Variants in KRI1 observed in about 807,000 individuals in gnomAD.
KRI1 encodes KRI1 homolog.
KRI1 carries 83 observed loss-of-function variants against 97.0 expected under a neutral mutation model. That is an observed-to-expected ratio of 0.86 (90% CI 0.72 to 1.03). The LOEUF (loss-of-function observed/expected upper bound fraction) is 1.03, where lower values mean the gene tolerates loss of function less well. Among genes scored for constraint, KRI1 ranks in the 50% least tolerant of loss-of-function variants. The pLI is 0.00. For synonymous variants in KRI1, 371 were observed against 363.5 expected, an observed-to-expected ratio of 1.02 and a Z score of -0.23; for missense variants, 916 against 928.4, an observed-to-expected ratio of 0.99 and a Z score of 0.17.
chr19:10,560,022 G>T, intron 9 of KRI1, 86 bp from the exon 10 acceptor site: 1 of 1,491,616 alleles, frequency 6.7e-7, no homozygotes, highest in South Asian at 1.2e-5. Context: ...CGAAGCGTAT[G>T]AACTCATTTA....
intron 15 of KRI1, 36 bp from the exon 16 acceptor site, chr19:10,557,718 A>C: frequency 1.2e-6 from 2 of 1,614,060 alleles, no homozygotes; most frequent in South Asian, 2.2e-5. Flanking sequence ...GGGCTATGCC[A>C]GGCCCCGCGG....
Position 10,559,692 on chromosome 19 carries a change from C to T in KRI1, c.944G>A (p.Arg315His). Residue 315 changes from arginine (R) to histidine (H), a missense_variant, in exon 11 of 19, where the codon CGC becomes CAC. Arg to His is a conservative substitution (Grantham distance 29, BLOSUM62 0). This residue lies in a region of KRI1 where 672 missense variants were observed against 667.2 expected (regional missense o/e 1.01). Transcript: ENST00000312962. ...ACGGCGCACGGAGGACGCGATGCTG[C>T]GTGGGTAGGTCTTGACCTAGGCGCA... is the stretch of plus-strand genomic sequence containing the variant. ...PDSASVKTYP[R>H]SIASSVRRKD... 2 of 1,614,026 alleles carry T rather than the reference C, an allele frequency of 1.2e-6. No homozygotes were observed. The highest frequency in any genetic ancestry group is 1.7e-6 in the Non-Finnish European group (2 of 1,180,002).
rs752697837 is a variant in KRI1, at chr19:10,558,247, G to A, written c.1195-8C>T. 5.6e-6 allele frequency: 9 copies of A among 1,613,918 alleles called. No individual in the cohort carries two copies. The highest frequency in any genetic ancestry group is 5.5e-5 in the South Asian group (5 of 91,072). ...CTCGTCCCCAAAGCACTTCTGCAGG[G>A]TCAGGGCTGGCGGTTACCAGAGCCC... On this transcript the variant is annotated splice_polypyrimidine_tract_variant and splice_region_variant and intron_variant, in intron 12 of 18. Transcript: ENST00000312962.
At position 10,565,912 on chromosome 19, in the gene KRI1, G is replaced by A. The variant is rs1395726493; in HGVS notation, c.88C>T (p.Gln30Ter). ...GCATGCGCCCCGCACTCACGCCGCTGCAGTTCCTCGCGCTCCCGGTAGCGG... is the reference window on the plus strand; with the variant it reads ...GCATGCGCCCCGCACTCACGCCGCTACAGTTCCTCGCGCTCCCGGTAGCGG... ...YNRYREREEL[Q>*]RLKDRYGDRD... Residue 30 changes from glutamine (Q) to a stop codon, truncating the protein, a stop_gained, in exon 1 of 19, where the codon CAG (glutamine) becomes TAG (stop). Coordinates refer to ENST00000312962, the MANE Select transcript of KRI1 (RefSeq NM_023008.5). LOFTEE classifies it high-confidence loss of function. 6.5e-6 allele frequency: 10 copies of A among 1,533,842 alleles called. No homozygotes were observed. Among genetic ancestry groups the A allele is most frequent in the Non-Finnish European group, 8.8e-6 (10 of 1,140,124 alleles).
intron 8 of KRI1, among the ~76,000 whole-genome samples, 171 bp from the exon 9 acceptor site, chr19:10,560,619 A>G (rs1395909203): frequency 6.6e-6 from 1 of 152,188 alleles, no homozygotes; most frequent in Non-Finnish European, 1.5e-5. Context: ...AGGTGACAGT[A>G]CAGTCGTGTG....
Position 10,558,450 on chromosome 19 carries a change from GC to G in KRI1, c.1195-212del, listed in dbSNP as rs547574588. Among the ~76,000 whole-genome samples, 10 of 152,150 alleles carry G rather than the reference GC, an allele frequency of 6.6e-5. No individual in the cohort carries two copies. In the South Asian group the frequency reaches 1.9e-3, roughly 28 times the overall value. ...CTGCTGTCTACCCTGTGATGTACTG[GC>G]CGCCATTCAGTTCCACATATCCACA... is the stretch of plus-strand genomic sequence containing the variant. On this transcript the variant is annotated intron_variant, in intron 12 of 18. Coordinates refer to ENST00000312962, the MANE Select transcript of KRI1 (RefSeq NM_023008.5).
At chr19:10,565,627 T>G in intron 2 of KRI1, 90 bp downstream of exon 2, 1 of 1,449,164 alleles carries the variant, frequency 6.9e-7, no homozygotes. Context: ...CGCTCTGGGG[T>G]TGGGGGTTCC....
intron 11 of KRI1, 28 bp from the exon 12 acceptor site, chr19:10,559,557 GC>G: frequency 1.9e-6 from 3 of 1,613,712 alleles, no homozygotes; most frequent in Non-Finnish European, 2.5e-6. Context: ...GAGGGGGAGG[GC>G]ATGGGCTTTC....
At chr19:10,565,599 TG>T in intron 2 of KRI1, 117 bp downstream of exon 2, 1 of 1,284,038 alleles carries the variant, frequency 7.8e-7, no homozygotes, top group Non-Finnish European at 1.0e-6. Context: ...GAGCGGAGGA[TG>T]GGACGCTCCC....
intron 2 of KRI1, chr19:10,565,488 A>G (rs1916836891): frequency 1.0e-5 from 6 of 581,276 alleles, no homozygotes; most frequent in Non-Finnish European, 1.8e-5. Context: ...CGCCCCACAC[A>G]TCAGAGTGGG....
Position 10,553,709 on chromosome 19 carries a change from G to A in KRI1, c.*242C>T, listed in dbSNP as rs535855330. On this transcript the variant is annotated 3_prime_UTR_variant, in exon 19 of 19. Coordinates refer to ENST00000312962, the MANE Select transcript of KRI1 (RefSeq NM_023008.5). ...TCCTTCCCCAGCCTCCTGAGTAGCT[G>A]GGACTACAGGCATGTGTCACCACAT... is the stretch of plus-strand genomic sequence containing the variant. The A allele has an allele frequency of 7.0e-5, 33 of 472,532 alleles. No homozygotes were observed. Among genetic ancestry groups the A allele is most frequent in the Admixed American group, 5.0e-4 (13 of 25,856 alleles). 29.3% of individuals were successfully genotyped at this position (472,532 alleles called of 1,614,324 possible). A position where few individuals can be genotyped will look rare whatever the true frequency, so the allele number is the denominator to read the frequency against.
intron 12 of KRI1, 54 bp from the exon 13 acceptor site, chr19:10,558,293 G>GC: frequency 6.4e-7 from 1 of 1,562,276 alleles, no homozygotes; most frequent in Non-Finnish European, 8.8e-7. Context: ...TAGGAGCTGA[G>GC]CCCCCTACGA....
chr19:10,555,489 C>G (rs1203238506), intron 16 of KRI1, 140 bp from the exon 17 acceptor site: 5 of 848,398 alleles, frequency 5.9e-6, no homozygotes, highest in Admixed American at 4.0e-5. Flanking sequence ...GACAGCTGAT[C>G]TCTACAGAGG....
chr19:10,555,450 C>T, intron 16 of KRI1, 101 bp from the exon 17 acceptor site: 1 of 1,279,706 alleles, frequency 7.8e-7, no homozygotes, highest in Non-Finnish European at 1.1e-6. Flanking sequence ...ATGCCGCTAC[C>T]ACCCAGCAGG....
chr19:10,557,960 C>T lies in KRI1; in HGVS notation c.1359+12G>A, dbSNP rs750398539. The T allele has an allele frequency of 4.3e-6, 7 of 1,614,056 alleles. No homozygotes were observed. Among genetic ancestry groups the T allele is most frequent in the East Asian group, 2.2e-5 (1 of 44,880 alleles). On this transcript the variant is annotated intron_variant, in intron 14 of 18. Transcript: ENST00000312962. Reference sequence around the variant, plus strand: ...CAGGGCCCCTGGGACTCCCTCAACCCGTGATACCTACGTTGAAGTTGGGGT... The same window carrying T: ...CAGGGCCCCTGGGACTCCCTCAACCTGTGATACCTACGTTGAAGTTGGGGT...
chr19:10,561,298 G>A, intron 6 of KRI1, 33 bp from the exon 7 acceptor site: 1 of 1,588,670 alleles, frequency 6.3e-7, no homozygotes, highest in South Asian at 1.1e-5. Context: ...CTCAGGACAG[G>A]CAGGCTGGCC....
Position 10,565,054 on chromosome 19 carries a change from G to A in KRI1, c.169-20C>T. 1 of 1,516,948 alleles carries A rather than the reference G, an allele frequency of 6.6e-7. No individual in the cohort carries two copies. 94.0% of individuals were successfully genotyped at this position (1,516,948 alleles called of 1,614,324 possible). ...AAATTCCTAGGGCAGGAAAAGGGTT[G>A]GGGATAGATTTCAGAAGGGAGATAA... On this transcript the variant is annotated intron_variant, in intron 2 of 18. Coordinates refer to ENST00000312962, the MANE Select transcript of KRI1 (RefSeq NM_023008.5).
intron 3 of KRI1, 68 bp from the exon 4 acceptor site, chr19:10,562,905 C>T: frequency 1.0e-6 from 1 of 953,106 alleles, no homozygotes; most frequent in Non-Finnish European, 1.7e-6. Flanking sequence ...GAGAATCCCA[C>T]AGGGCAGGGC....
chr19:10,564,779 C>T (rs1916809720), intron 3 of KRI1, 150 bp downstream of exon 3: 3 of 685,116 alleles, frequency 4.4e-6, no homozygotes, highest in African/African-American at 1.8e-5. Flanking sequence ...CTTAAAACAG[C>T]CCTGAGGGGA....
Sources: gnomAD v4.1 joint callset for allele counts (sites outside exome capture counted in the v4.1 genomes callset) on GRCh38, gnomAD v4.1.1 for gene constraint, gnomAD v4.1.1 regional missense constraint, MANE v1.5 for transcripts, NCBI Gene and HGNC (gene_info 2026-07-23, HGNC 2026-07-21) for gene names.